The following EXOC4 variants were observed in gnomAD, a reference collection of about 807,000 sequenced individuals.
EXOC4 encodes SEC8-like 1.
A neutral mutation model predicts 107.2 loss-of-function variants in EXOC4; 71 were observed. That is an observed-to-expected ratio of 0.66 (90% CI 0.55 to 0.81). The LOEUF (loss-of-function observed/expected upper bound fraction) is 0.81, where lower values mean the gene tolerates loss of function less well. EXOC4 is among the 30% of genes least tolerant of loss of function. The pLI is 0.00. For missense variants in EXOC4, 1,108 were observed against 1,189.6 expected (o/e 0.93, Z 1.01); for synonymous variants, 456 against 441.2 (o/e 1.03, Z -0.42).
Position 134,034,242 on chromosome 7 carries a change from C to T in EXOC4, c.2687+26407C>T, listed in dbSNP as rs112119084. Among the ~76,000 whole-genome samples the T allele has an allele frequency of 1.9e-3, 289 of 151,948 alleles. 1 individual carries two copies. Among genetic ancestry groups the T allele is most frequent in the African/African-American group, 6.7e-3 (278 of 41,412 alleles). ...GTATGATGGAGAGGTTGAAAAAGAA[C>T]CTAAGATGTGAAAAACTCAAGTAGT... On this transcript the variant is annotated intron_variant, in intron 17 of 17. Transcript: ENST00000253861.
chr7:133,467,896 C>T (rs1477866299), intron 7 of EXOC4, among the ~76,000 whole-genome samples: 1 of 151,848 alleles, frequency 6.6e-6, no homozygotes. Context: ...ATATTTTTGT[C>T]CTGATGTTTT....
At chr7:133,406,876 G>A (rs902783276) in intron 7 of EXOC4, among the ~76,000 whole-genome samples, 8 of 152,216 alleles carry the variant, frequency 5.3e-5, no homozygotes, top group African/African-American at 1.9e-4. Context: ...AGTGAGAGGG[G>A]ACAGTCCATT....
intron 5 of EXOC4, among the ~76,000 whole-genome samples, chr7:133,350,231 C>CA (rs1452007782): frequency 6.6e-6 from 1 of 151,836 alleles, no homozygotes; most frequent in African/African-American, 2.4e-5. Context: ...GTATCATATC[C>CA]AAAAAAATCA....
chr7:133,969,266 C>G (rs1168309654), intron 14 of EXOC4, among the ~76,000 whole-genome samples: 4 of 151,946 alleles, frequency 2.6e-5, no homozygotes, highest in African/African-American at 9.7e-5. Flanking sequence ...TTCTTAGCTT[C>G]CTTGCATTGG....
chr7:133,361,204 G>A (rs949364068), intron 6 of EXOC4, among the ~76,000 whole-genome samples: 1 of 152,166 alleles, frequency 6.6e-6, no homozygotes, highest in Admixed American at 6.5e-5. Context: ...CTCAAAGAAC[G>A]CTAAGATGTG....
At chr7:133,988,502 A>G (rs1234387170) in intron 14 of EXOC4, among the ~76,000 whole-genome samples, 1 of 152,156 alleles carries the variant, frequency 6.6e-6, no homozygotes, top group African/African-American at 2.4e-5. Flanking sequence ...AATGGGGGAA[A>G]ATATATATAA....
At chr7:133,745,631 A>G (rs1312189789) in intron 10 of EXOC4, among the ~76,000 whole-genome samples, 1 of 152,074 alleles carries the variant, frequency 6.6e-6, no homozygotes, top group African/African-American at 2.4e-5. Context: ...CAAGCATTTA[A>G]ACATTTTTGA....
chr7:133,950,941 A>G (rs1800675320), intron 14 of EXOC4, among the ~76,000 whole-genome samples: 1 of 152,230 alleles, frequency 6.6e-6, no homozygotes, highest in Non-Finnish European at 1.5e-5. Context: ...TCAAGCCAAC[A>G]GCCTTTTAGC....
the EXOC4 span, among the ~76,000 whole-genome samples, chr7:134,095,880 G>C: frequency 6.6e-6 from 1 of 152,028 alleles, no homozygotes; most frequent in East Asian, 1.9e-4. Context: ...GAAAACCTAG[G>C]AAACACCATT....
At chr7:133,933,274 A>G (rs1483969528) in intron 13 of EXOC4, among the ~76,000 whole-genome samples, 1 of 152,204 alleles carries the variant, frequency 6.6e-6, no homozygotes, top group Admixed American at 6.5e-5. Context: ...TTTAAAGATT[A>G]TCAATAATTA....
intron 10 of EXOC4, among the ~76,000 whole-genome samples, chr7:133,762,266 A>T (rs1391724571): frequency 6.6e-6 from 1 of 152,186 alleles, no homozygotes; most frequent in African/African-American, 2.4e-5. Context: ...GTTTGCAACT[A>T]TATTATATCT....
At chr7:133,919,786 A>G (rs963392349) in intron 13 of EXOC4, among the ~76,000 whole-genome samples, 5 of 152,092 alleles carry the variant, frequency 3.3e-5, no homozygotes, top group Admixed American at 6.5e-5. Context: ...TCACTCATCT[A>G]TTGAAGGATA....
At chr7:133,432,291 T>C (rs2150777212) in intron 7 of EXOC4, among the ~76,000 whole-genome samples, 1 of 152,290 alleles carries the variant, frequency 6.6e-6, no homozygotes, top group South Asian at 2.1e-4. Context: ...ATTAGTTATA[T>C]AACTTTATTA....
chr7:133,319,634 C>T (rs373143954), intron 5 of EXOC4, among the ~76,000 whole-genome samples: 2 of 152,046 alleles, frequency 1.3e-5, no homozygotes, highest in African/African-American at 4.8e-5. Flanking sequence ...GGATTACAGG[C>T]GTGCACCACC....
intron 13 of EXOC4, among the ~76,000 whole-genome samples, chr7:133,932,930 GA>G: frequency 6.6e-6 from 1 of 152,228 alleles, no homozygotes; most frequent in African/African-American, 2.4e-5. Flanking sequence ...GAGAGAGAGA[GA>G]GAGGGAGAGA....
At chr7:133,990,513 A>G (rs1346488874) in intron 14 of EXOC4, among the ~76,000 whole-genome samples, 2 of 152,048 alleles carry the variant, frequency 1.3e-5, no homozygotes, top group African/African-American at 4.8e-5. Flanking sequence ...GCAGTGGCGC[A>G]ATCTCGGCTC....
chr7:134,012,826 T>A (rs1794803797), intron 17 of EXOC4, among the ~76,000 whole-genome samples: 1 of 152,030 alleles, frequency 6.6e-6, no homozygotes. Context: ...CAGAGGAAGT[T>A]GAGGAGGCAG....
At chr7:133,913,542 G>A (rs1049532264) in intron 12 of EXOC4, among the ~76,000 whole-genome samples, 1 of 152,178 alleles carries the variant, frequency 6.6e-6, no homozygotes, top group Non-Finnish European at 1.5e-5. Flanking sequence ...GATAGAATTG[G>A]CAGGATGTGG....
chr7:133,810,066 A>T (rs952294418), intron 10 of EXOC4, among the ~76,000 whole-genome samples: 1 of 149,108 alleles, frequency 6.7e-6, no homozygotes, highest in Non-Finnish European at 1.5e-5. Flanking sequence ...TTGTCCCATT[A>T]TTAGTGATGC....
Sources: gnomAD v4.1 joint callset for allele counts (sites outside exome capture counted in the v4.1 genomes callset) on GRCh38, gnomAD v4.1.1 for gene constraint, MANE v1.5 for transcripts, NCBI Gene and HGNC (gene_info 2026-07-23, HGNC 2026-07-21) for gene names.